PNLIP: variants seen among roughly 807,000 people sequenced by gnomAD.
PNLIP encodes the protein pancreatic lipase.
In PNLIP, 49 loss-of-function variants were observed where a neutral mutation model predicts 57.1. The ratio of observed to expected loss-of-function variants is 0.86; its 90% CI spans 0.68 to 1.09. PNLIP has a LOEUF of 1.09. Among genes scored for constraint, PNLIP ranks in the 50% least tolerant of loss-of-function variants. PNLIP has a pLI of 0.00. For synonymous variants in PNLIP, 209 were observed against 200.4 expected, an observed-to-expected ratio of 1.04 and a Z score of -0.36; for missense variants, 503 against 570.2, an observed-to-expected ratio of 0.88 and a Z score of 1.20.
chr10:116,549,309 C>G (rs1847164060), intron 4 of PNLIP, among the ~76,000 whole-genome samples: 2 of 151,872 alleles, frequency 1.3e-5, no homozygotes, highest in East Asian at 1.9e-4. Context: ...AACCCCGTCT[C>G]TACTAAAACT....
intron 5 of PNLIP, 199 bp downstream of exon 5, chr10:116,551,431 C>G: frequency 2.6e-6 from 1 of 384,142 alleles, no homozygotes; most frequent in Non-Finnish European, 4.5e-6. Flanking sequence ...TGTTAATAAA[C>G]TAGTTTTTTT....
At chr10:116,567,181 TTTTC>T (rs1775148216) in intron 12 of PNLIP, among the ~76,000 whole-genome samples, 1 of 151,466 alleles carries the variant, frequency 6.6e-6, no homozygotes, top group African/African-American at 2.4e-5. Flanking sequence ...TCTTTCTTTC[TTTTC>T]TTTCTTTCCT....
intron 12 of PNLIP, among the ~76,000 whole-genome samples, chr10:116,565,249 C>CAAAAAAAAAAAAAAAA (rs71010093): frequency 6.0e-5 from 2 of 33,398 alleles, no homozygotes; most frequent in African/African-American, 1.4e-4. Flanking sequence ...GACAATGTCT[C>CAAAAAAAAAAAAAAAA]AAAAAAAAAA....
In PNLIP at chr10:116,552,660, G is replaced by A. The variant is rs922032197; in HGVS notation, c.460-1067G>A. 3.3e-5 allele frequency among the ~76,000 whole-genome samples: 5 copies of A among 152,142 alleles called. No homozygotes were observed. In the East Asian group the frequency reaches 9.6e-4, roughly 29 times the overall value. Reference sequence around the variant, plus strand: ...CCAGCACTTTGGGAGGCCGAGGCGGGCGGATCATGAGGTCAGGAGATGGAG... The same window carrying A: ...CCAGCACTTTGGGAGGCCGAGGCGGACGGATCATGAGGTCAGGAGATGGAG... On this transcript the variant is annotated intron_variant, in intron 5 of 12. Coordinates refer to ENST00000369221, the MANE Select transcript of PNLIP (RefSeq NM_000936.4).
chr10:116,564,370 A>G (rs1847343859), intron 12 of PNLIP, among the ~76,000 whole-genome samples: 1 of 152,216 alleles, frequency 6.6e-6, no homozygotes, highest in Non-Finnish European at 1.5e-5. Flanking sequence ...GCAAGCCAGA[A>G]GGCAGTGAAA....
intron 2 of PNLIP, among the ~76,000 whole-genome samples, chr10:116,546,615 G>A (rs1847128355): frequency 1.3e-5 from 2 of 152,112 alleles, no homozygotes; most frequent in South Asian, 2.1e-4. Flanking sequence ...GTGAGAATTA[G>A]GTCAGATTAG....
chr10:116,546,057 T>G (rs766547684), intron 1 of PNLIP, 36 bp from the exon 2 acceptor site: 1 of 1,606,078 alleles, frequency 6.2e-7, no homozygotes, highest in South Asian at 1.1e-5. Context: ...TTTTAAAAAC[T>G]TAGCCAGACT....
chr10:116,549,252 C>A (rs555490644), intron 4 of PNLIP, among the ~76,000 whole-genome samples: 1 of 151,864 alleles, frequency 6.6e-6, no homozygotes, highest in Admixed American at 6.6e-5. Context: ...CTGAGGCGGG[C>A]GGATCACGAG....
intron 3 of PNLIP, 60 bp downstream of exon 3, chr10:116,547,508 C>T (rs759081336): frequency 7.8e-5 from 110 of 1,412,892 alleles, no homozygotes; most frequent in Non-Finnish European, 9.9e-5. Flanking sequence ...GGGCGGTTCA[C>T]GAGGTCAGGA....
At chr10:116,547,115 G>A (rs1392966932) in intron 2 of PNLIP, among the ~76,000 whole-genome samples, 179 bp from the exon 3 acceptor site, 1 of 152,198 alleles carries the variant, frequency 6.6e-6, no homozygotes, top group Non-Finnish European at 1.5e-5. Context: ...AAGAACAACA[G>A]CCTGTCTGGA....
At chr10:116,565,958 G>A (rs1175246448) in intron 12 of PNLIP, among the ~76,000 whole-genome samples, 2 of 152,030 alleles carry the variant, frequency 1.3e-5, no homozygotes, top group Non-Finnish European at 2.9e-5. Context: ...ACAGGCATAC[G>A]CCACCCTGCC....
intron 12 of PNLIP, 105 bp downstream of exon 12, chr10:116,561,741 T>A (rs1390943158): frequency 3.1e-6 from 3 of 966,680 alleles, no homozygotes; most frequent in Non-Finnish European, 4.6e-6. Flanking sequence ...GGGGATCGCC[T>A]ACATCCTAGT....
chr10:116,556,675 C>T (rs1266266653), intron 9 of PNLIP, among the ~76,000 whole-genome samples: 1 of 150,042 alleles, frequency 6.7e-6, no homozygotes, highest in Non-Finnish European at 1.5e-5. Flanking sequence ...GTAGTGGCTT[C>T]CTCTTGGTTG....
intron 4 of PNLIP, 37 bp downstream of exon 4, chr10:116,548,519 C>A: frequency 6.2e-7 from 1 of 1,604,484 alleles, no homozygotes; most frequent in Non-Finnish European, 8.5e-7. Flanking sequence ...AGATCGTTTC[C>A]AAAGTGGTAA....
At chr10:116,557,101 T>C (rs761279691) in intron 9 of PNLIP, among the ~76,000 whole-genome samples, 9 of 152,182 alleles carry the variant, frequency 5.9e-5, no homozygotes, top group Non-Finnish European at 8.8e-5. Context: ...GGAGTACATA[T>C]ATTATTCACA....
At chr10:116,548,736 T>C (rs978561900) in intron 4 of PNLIP, among the ~76,000 whole-genome samples, 1 of 152,150 alleles carries the variant, frequency 6.6e-6, no homozygotes. Flanking sequence ...GATATGGAGG[T>C]GTTTCAACAT....
At chr10:116,548,509 A>G in intron 4 of PNLIP, 27 bp downstream of exon 4, 1 of 1,608,182 alleles carries the variant, frequency 6.2e-7, no homozygotes, top group Non-Finnish European at 8.5e-7. Context: ...TCTCAAGGAA[A>G]GATCGTTTCC....
chr10:116,553,709 AG>A lies in PNLIP; in HGVS notation c.460-16del. The A allele has an allele frequency of 6.6e-7, 1 of 1,506,764 alleles. No individual in the cohort carries two copies. The highest frequency in any genetic ancestry group is 9.2e-7 in the Non-Finnish European group (1 of 1,082,550). 93.3% of individuals were successfully genotyped at this position (1,506,764 alleles called of 1,614,324 possible). ...GACTGCACTTGAAAACATTCTGAAA[AG>A]GTTTTCTTTCCGACAGTCGGCGTTC... On this transcript the variant is annotated splice_polypyrimidine_tract_variant and intron_variant, in intron 5 of 12. Coordinates refer to ENST00000369221, the MANE Select transcript of PNLIP (RefSeq NM_000936.4).
chr10:116,566,290 G>T lies in PNLIP; in HGVS notation c.1335-1445G>T, dbSNP rs565516360. 1.4e-3 allele frequency among the ~76,000 whole-genome samples: 211 copies of T among 152,298 alleles called. 1 individual carries two copies. The highest frequency in any genetic ancestry group is 3.4e-3 in the Middle Eastern group (1 of 294). ...GGATGAATCTCGAGATAATTATACT[G>T]AATGAAAAGCTAGACAAGAGTGCAC... On this transcript the variant is annotated intron_variant, in intron 12 of 12. Transcript: ENST00000369221.
Sources: allele counts gnomAD v4.1 joint callset (sites outside exome capture counted in the v4.1 genomes callset), GRCh38; gene constraint gnomAD v4.1.1; transcripts MANE v1.5; gene names NCBI Gene and HGNC (gene_info 2026-07-23, HGNC 2026-07-21).